The following LIN28A variants were observed in gnomAD, a reference collection of about 807,000 sequenced individuals.
LIN28A encodes lin-28 RNA binding posttranscriptional regulator A, also known as protein lin-28 homolog A.
LIN28A carries 11 observed loss-of-function variants against 21.1 expected under a neutral mutation model. The ratio of observed to expected loss-of-function variants is 0.52; its 90% confidence interval spans 0.33 to 0.86. LIN28A has a LOEUF of 0.86. LIN28A is among the 40% of genes least tolerant of loss of function. The pLI is 0.03. For missense variants in LIN28A, 219 were observed against 279.8 expected (o/e 0.78, Z 1.55); for synonymous variants, 111 against 108.7 (o/e 1.02, Z -0.13).
intron 2 of LIN28A, among the ~76,000 whole-genome samples, chr1:26,422,307 G>A (rs922076912): frequency 2.8e-4 from 42 of 152,098 alleles, no homozygotes; most frequent in African/African-American, 1.0e-3. Context: ...CACTGTGCCT[G>A]GCTGGGAATA....
rs529222879 is a variant in LIN28A, at chr1:26,413,343, T to C, written c.228+1761T>C. Among the ~76,000 whole-genome samples the C allele has an allele frequency of 4.5e-4, 68 of 152,286 alleles. 1 individual carries two copies. The highest frequency in any genetic ancestry group is 1.4e-3 in the African/African-American group (58 of 41,550). ...GTATCCCCTCATCTTCTGGGTTCCT[T>C]GGTGATATACATACCCCAAGGAAGG... On this transcript the variant is annotated intron_variant, in intron 2 of 3. Coordinates refer to ENST00000326279, the MANE Select transcript of LIN28A (RefSeq NM_024674.6).
chr1:26,416,792 T>C, intron 2 of LIN28A, among the ~76,000 whole-genome samples: 1 of 152,008 alleles, frequency 6.6e-6, no homozygotes, highest in Non-Finnish European at 1.5e-5. Context: ...TAATGTTTTG[T>C]ATTTTTAGTA....
At chr1:26,425,594 C>T (rs2075053978) in intron 3 of LIN28A, 107 bp downstream of exon 3, 2 of 1,080,690 alleles carry the variant, frequency 1.9e-6, no homozygotes, top group Admixed American at 4.8e-5. Flanking sequence ...GCCTGTGGTC[C>T]CTGGCAGCAT....
At chr1:26,415,036 AT>A (rs1341605539) in intron 2 of LIN28A, among the ~76,000 whole-genome samples, 1 of 152,148 alleles carries the variant, frequency 6.6e-6, no homozygotes, top group African/African-American at 2.4e-5. Context: ...AACTCTCAAG[AT>A]TTATAGAAAT....
chr1:26,413,729 G>C (rs1357725105), intron 2 of LIN28A, among the ~76,000 whole-genome samples: 1 of 151,696 alleles, frequency 6.6e-6, no homozygotes, highest in African/African-American at 2.4e-5. Flanking sequence ...GAAAGGCTTG[G>C]GTCAGGGGTC....
chr1:26,411,682 G>T lies in LIN28A; in HGVS notation c.228+100G>T. On this transcript the variant is annotated intron_variant, in intron 2 of 3. Transcript: ENST00000326279. This position sits in a 1 kb window ranked among gnomAD's most constrained non-coding sequence, Gnocchi z 5.4. ...GCAGTTGAATTGAGGGCCATCGGGA[G>T]CCCTCATTATGCATCCCTGTCTTTG... 2.4e-6 allele frequency: 3 copies of T among 1,233,234 alleles called. No individual in the cohort carries two copies. Among genetic ancestry groups the T allele is most frequent in the Non-Finnish European group, 2.3e-6 (2 of 862,996 alleles). The allele number at this position is 1,233,234 out of a possible 1,614,324, so 76.4% of individuals were successfully genotyped here. A position where few individuals can be genotyped will look rare whatever the true frequency, so the allele number is the denominator to read the frequency against.
At chr1:26,417,137 A>G (rs2074998515) in intron 2 of LIN28A, among the ~76,000 whole-genome samples, 1 of 152,198 alleles carries the variant, frequency 6.6e-6, no homozygotes, top group Admixed American at 6.5e-5. Flanking sequence ...AGCTCAGACC[A>G]GGTAGCGGGC....
At chr1:26,421,767 A>C (rs564757881) in intron 2 of LIN28A, among the ~76,000 whole-genome samples, 1 of 152,078 alleles carries the variant, frequency 6.6e-6, no homozygotes, top group African/African-American at 2.4e-5. Context: ...CTTGGGTTAT[A>C]CTGTCTTTCG....
chr1:26,412,743 G>C (rs2124282676), intron 2 of LIN28A, among the ~76,000 whole-genome samples: 1 of 152,210 alleles, frequency 6.6e-6, no homozygotes, highest in East Asian at 1.9e-4. Flanking sequence ...CATTCTTTGG[G>C]GGAGGGGTAG....
At chr1:26,416,719 G>A (rs1480446870) in intron 2 of LIN28A, among the ~76,000 whole-genome samples, 1 of 152,120 alleles carries the variant, frequency 6.6e-6, no homozygotes, top group Non-Finnish European at 1.5e-5. Flanking sequence ...CCAGGTTTGA[G>A]CGATTTTCCT....
In LIN28A at chr1:26,411,477, G is replaced by A. The variant is rs1255617715; in HGVS notation, c.123G>A (p.Ala41=). The change falls in exon 2 of 4, where the codon GCG becomes GCA. Residue 41 remains alanine, a synonymous_variant. Transcript: ENST00000326279. The surrounding 1 kb of genome is among the most constrained non-coding windows in gnomAD (Gnocchi z 5.4). ...AADEPQLLHG[A]GICKWFNVRM... Reference sequence around the variant, plus strand: ...ACGAGCCTCAGCTGCTGCACGGTGCGGGCATCTGTAAGTGGTTCAACGTGC... The same window carrying A: ...ACGAGCCTCAGCTGCTGCACGGTGCAGGCATCTGTAAGTGGTTCAACGTGC... The A allele has an allele frequency of 1.2e-6, 2 of 1,614,020 alleles. No individual in the cohort carries two copies. The highest frequency in any genetic ancestry group is 1.7e-6 in the Non-Finnish European group (2 of 1,179,964).
chr1:26,426,162 C>T, intron 3 of LIN28A, 80 bp from the exon 4 acceptor site: 2 of 1,132,010 alleles, frequency 1.8e-6, no homozygotes, highest in Non-Finnish European at 2.7e-6. Flanking sequence ...TGTACCAGAG[C>T]CCAGGTGTCC....
Position 26,428,487 on chromosome 1 carries a change from A to G in LIN28A, c.*2029A>G, listed in dbSNP as rs1404619395. On this transcript the variant is annotated 3_prime_UTR_variant, in exon 4 of 4. Transcript: ENST00000326279. ...ATGCAAAAATACTGAAGCTAGGAAA[A>G]CCCTCCATCCCTTGTTCCCAACCTC... The G allele has an allele frequency of 1.3e-5, 2 of 150,546 alleles. No individual in the cohort carries two copies. Among genetic ancestry groups the G allele is most frequent in the Admixed American group, 6.6e-5 (1 of 15,066 alleles). 9.3% of individuals were successfully genotyped at this position (150,546 alleles called of 1,614,324 possible).
chr1:26,422,083 A>G (rs2075031460), intron 2 of LIN28A, among the ~76,000 whole-genome samples: 1 of 148,944 alleles, frequency 6.7e-6, no homozygotes, highest in Non-Finnish European at 1.5e-5. Flanking sequence ...ATCTCTGCTC[A>G]CTGCAACCTC....
rs2075079878 is a variant in LIN28A at position 26,429,399 on chromosome 1, G to T, written c.*2941G>T. 1 of 152,638 alleles carries T rather than the reference G, an allele frequency of 6.6e-6. No homozygotes were observed. Among genetic ancestry groups the T allele is most frequent in the African/African-American group, 2.4e-5 (1 of 41,432 alleles). 9.5% of individuals were successfully genotyped at this position (152,638 alleles called of 1,614,324 possible). A position where few individuals can be genotyped will look rare whatever the true frequency, so the allele number is the denominator to read the frequency against. ...GCCACAAGATTGTTTAATAGGAGAC[G>T]AACGAATGTAACTCCATGTTTACTG... On this transcript the variant is annotated 3_prime_UTR_variant, in exon 4 of 4. Coordinates refer to ENST00000326279, the MANE Select transcript of LIN28A (RefSeq NM_024674.6).
At chr1:26,414,731 T>A (rs1191509064) in intron 2 of LIN28A, among the ~76,000 whole-genome samples, 1 of 152,204 alleles carries the variant, frequency 6.6e-6, no homozygotes, top group African/African-American at 2.4e-5. Flanking sequence ...TAATTTGTTC[T>A]GGGGAGTCTG....
intron 2 of LIN28A, among the ~76,000 whole-genome samples, chr1:26,424,520 G>A (rs1019984310): frequency 7.2e-5 from 11 of 152,248 alleles, no homozygotes; most frequent in Admixed American, 5.2e-4. Context: ...GGTTAAAGGC[G>A]TAAGCCACCG....
intron 2 of LIN28A, among the ~76,000 whole-genome samples, chr1:26,415,965 C>T: frequency 6.6e-6 from 1 of 152,120 alleles, no homozygotes; most frequent in East Asian, 1.9e-4. Context: ...CTTTCTGAGA[C>T]ATGCTTCTAG....
rs2075068168 is a variant in LIN28A at position 26,427,740 on chromosome 1, C to T, written c.*1282C>T. Reference sequence around the variant, plus strand: ...AGGATAAGTTTAAAGACCAATACCCCTGTACTTAATCCTGTGCTGTCGAGG... The same window carrying T: ...AGGATAAGTTTAAAGACCAATACCCTTGTACTTAATCCTGTGCTGTCGAGG... On this transcript the variant is annotated 3_prime_UTR_variant, in exon 4 of 4. Transcript: ENST00000326279. The T allele has an allele frequency of 6.6e-6, 1 of 152,194 alleles. No individual in the cohort carries two copies. Among genetic ancestry groups the T allele is most frequent in the African/African-American group, 2.4e-5 (1 of 41,412 alleles). The allele number at this position is 152,194 out of a possible 1,614,324, so 9.4% of individuals were successfully genotyped here. A position where few individuals can be genotyped will look rare whatever the true frequency, so the allele number is the denominator to read the frequency against.
Sources: allele counts gnomAD v4.1 joint callset (sites outside exome capture counted in the v4.1 genomes callset), GRCh38; gene constraint gnomAD v4.1.1; non-coding constraint Gnocchi (gnomAD v3.1); transcripts MANE v1.5; gene names NCBI Gene and HGNC (gene_info 2026-07-23, HGNC 2026-07-21).